The following GABRR1 variants were observed in gnomAD, a reference collection of about 807,000 sequenced individuals.
GABRR1 encodes the protein gamma-aminobutyric acid type A receptor subunit rho1, also known as gamma-aminobutyric acid receptor subunit rho-1.
GABRR1 carries 59 observed loss-of-function variants against 55.5 expected under a neutral mutation model. The ratio of observed to expected loss-of-function variants is 1.06; its 90% CI spans 0.86 to 1.32. The LOEUF (loss-of-function observed/expected upper bound fraction) is 1.32, where lower values mean the gene tolerates loss of function less well. Among genes scored for constraint, GABRR1 ranks in the 40% most tolerant of loss-of-function variants. The pLI, the probability that GABRR1 is intolerant of heterozygous loss-of-function variation, is 0.00. For missense variants in GABRR1, 602 were observed against 619.1 expected, an observed-to-expected ratio of 0.97 and a Z score of 0.29; for synonymous variants, 213 against 226.0, an observed-to-expected ratio of 0.94 and a Z score of 0.51.
intron 1 of GABRR1, among the ~76,000 whole-genome samples, chr6:89,230,655 G>T (rs1220102171): frequency 6.6e-6 from 1 of 151,466 alleles, no homozygotes; most frequent in Non-Finnish European, 1.5e-5. Context: ...GAGAACCACT[G>T]CTCTCTTCAA....
At chr6:89,200,290 C>T (rs1772426016) in intron 3 of GABRR1, among the ~76,000 whole-genome samples, 1 of 142,278 alleles carries the variant, frequency 7.0e-6, no homozygotes, top group South Asian at 2.2e-4. Flanking sequence ...ACTCTGTTGC[C>T]CAGGCTGGAG....
intron 1 of GABRR1, among the ~76,000 whole-genome samples, chr6:89,206,973 G>A (rs35953049): frequency 0.14 from 22,027 of 151,932 alleles, 1,778 homozygotes; most frequent in African/African-American, 0.21. Context: ...ACTTTACAAA[G>A]ACAGGTACCA....
chr6:89,220,777 A>G (rs1344800649), upstream of GABRR1, among the ~76,000 whole-genome samples: 1 of 152,030 alleles, frequency 6.6e-6, no homozygotes, highest in Non-Finnish European at 1.5e-5. Context: ...CTGGAGTGCA[A>G]TGGCATGATC....
intron 9 of GABRR1, among the ~76,000 whole-genome samples, chr6:89,179,854 T>C (rs1268423849): frequency 6.6e-6 from 1 of 152,066 alleles, no homozygotes; most frequent in Non-Finnish European, 1.5e-5. Flanking sequence ...TGGGAAAAGG[T>C]GGAGCATGCA....
At chr6:89,191,824 T>C (rs2127794907) in intron 5 of GABRR1, among the ~76,000 whole-genome samples, 1 of 152,260 alleles carries the variant, frequency 6.6e-6, no homozygotes, top group East Asian at 1.9e-4. Context: ...TCTGAGGTAT[T>C]CATCAGCTTC....
intron 3 of GABRR1, among the ~76,000 whole-genome samples, chr6:89,199,755 T>C (rs1022334755): frequency 6.6e-6 from 1 of 152,182 alleles, no homozygotes; most frequent in African/African-American, 2.4e-5. Context: ...TCTCTATATT[T>C]GCCTTCTGGT....
chr6:89,225,308 C>T (rs1470852016), intron 1 of GABRR1, among the ~76,000 whole-genome samples: 5 of 144,566 alleles, frequency 3.5e-5, no homozygotes, highest in African/African-American at 1.3e-4. Flanking sequence ...TACATGTGCA[C>T]ATTGTGCAGG....
At chr6:89,179,745 G>C (rs1401208423) in intron 9 of GABRR1, among the ~76,000 whole-genome samples, 1 of 152,204 alleles carries the variant, frequency 6.6e-6, no homozygotes, top group African/African-American at 2.4e-5. Context: ...GTATTGTGGG[G>C]ATAGATTACT....
At chr6:89,184,673 G>A (rs900330198) in intron 7 of GABRR1, among the ~76,000 whole-genome samples, 26 of 152,272 alleles carry the variant, frequency 1.7e-4, no homozygotes, top group African/African-American at 5.5e-4. Context: ...GAGGGGACTC[G>A]GATCAGCGTA....
intron 7 of GABRR1, among the ~76,000 whole-genome samples, chr6:89,184,297 C>T (rs2183648): frequency 2.8e-4 from 41 of 148,498 alleles, no homozygotes; most frequent in Admixed American, 4.7e-4. Context: ...TACAATTCAT[C>T]GATGTAATCA....
chr6:89,216,912 T>A (rs12199465), intron 1 of GABRR1, among the ~76,000 whole-genome samples: 55,005 of 151,904 alleles, frequency 0.36, 10,580 homozygotes, highest in African/African-American at 0.47. Context: ...ATATTTTTTT[T>A]AAATGTGCAT....
At chr6:89,187,818 G>A (rs916366808) in intron 6 of GABRR1, among the ~76,000 whole-genome samples, 2 of 152,134 alleles carry the variant, frequency 1.3e-5, no homozygotes, top group African/African-American at 2.4e-5. Flanking sequence ...TTTTAAGGCC[G>A]AACACTCTTC....
Position 89,178,902 on chromosome 6 carries a change from T to C in GABRR1, c.1308A>G (p.Pro436=), listed in dbSNP as rs752292472. The C allele has an allele frequency of 1.4e-5, 23 of 1,614,184 alleles. No individual in the cohort carries two copies. The South Asian group carries it at 2.4e-4, about 17-fold the overall frequency. Residue 436 remains proline, a synonymous_variant, in exon 10 of 10, where the codon CCA becomes CCG. Coordinates refer to ENST00000454853, the MANE Select transcript of GABRR1 (RefSeq NM_002042.5). ...AGCTGCTTCTCTGACTTTTCCTCTGTGGGGAGCTCCTCTCTGAGGCCAGGG... is the reference window on the plus strand; with the variant it reads ...AGCTGCTTCTCTGACTTTTCCTCTGCGGGGAGCTCCTCTCTGAGGCCAGGG... The part of the protein sequence containing the change: ...QLTLASERSS[P]QRKSQRSSYV...
At position 89,182,043 on chromosome 6, in the gene GABRR1, G is replaced by A. The variant is rs1220192879; in HGVS notation, c.811C>T (p.Leu271Phe). 6.2e-7 allele frequency: 1 copy of A among 1,614,064 alleles called. No individual in the cohort carries two copies. Among genetic ancestry groups the A allele is most frequent in the Admixed American group, 1.7e-5 (1 of 60,010 alleles). The stretch of plus-strand genomic sequence containing the variant: ...CGACGCAACGTGAAATTAATGTAGA[G>A]ACGGTTGTACCAGCCTGGGGGACAC... ...FYSSTGWYNRLYINFTLRRHI... is the reference protein window; with the variant it reads ...FYSSTGWYNRFYINFTLRRHI... The change falls in exon 8 of 10, where the codon CTC becomes TTC. Residue 271 changes from leucine (L) to phenylalanine (F), a missense_variant. Leu to Phe is a conservative substitution (Grantham distance 22). Transcript: ENST00000454853.
chr6:89,193,392 C>CT (rs59412876), intron 5 of GABRR1, among the ~76,000 whole-genome samples: 13,060 of 151,418 alleles, frequency 0.086, 1,255 homozygotes, highest in African/African-American at 0.24. Context: ...TTAGATCTCT[C>CT]TTTTTTTTTC....
chr6:89,225,871 A>G (rs1773192906), intron 1 of GABRR1, among the ~76,000 whole-genome samples: 1 of 139,814 alleles, frequency 7.2e-6, no homozygotes, highest in Non-Finnish European at 1.6e-5. Flanking sequence ...ACTAGTTTAC[A>G]GTCCCACCAA....
rs1469071304 is a variant in GABRR1 at position 89,190,173 on chromosome 6, A to G, written c.647T>C (p.Ile216Thr). Residue 216 changes from isoleucine (I) to threonine (T), a missense_variant, in exon 6 of 10, where the codon ATT (isoleucine) becomes ACT (threonine). By Grantham distance (89) the Ile-to-Thr change is moderately conservative. Coordinates refer to ENST00000454853, the MANE Select transcript of GABRR1 (RefSeq NM_002042.5). ...GGGACAAGTCTACTCACAGCTTTCA[A>G]TTTCAAGAGAGCACGTTTGTGTGTC... ...PLDTQTCSLE[I>T]ESYAYTEDDL... is the part of the protein sequence containing the mutation. The G allele has an allele frequency of 6.2e-7, 1 of 1,609,162 alleles. No homozygotes were observed. Among genetic ancestry groups the G allele is most frequent in the Non-Finnish European group, 8.5e-7 (1 of 1,177,608 alleles).
At chr6:89,221,010 G>A (rs575047379), upstream of GABRR1, among the ~76,000 whole-genome samples, 6 of 152,042 alleles carry the variant, frequency 3.9e-5, no homozygotes, top group South Asian at 2.1e-4. Context: ...ATGAGCCACC[G>A]CGCCTGGCCA....
rs1321201510 is a variant in GABRR1 at position 89,182,042 on chromosome 6, A to G, written c.812T>C (p.Leu271Pro). Residue 271 changes from leucine (L) to proline (P), a missense_variant, in exon 8 of 10, where the codon CTC becomes CCC. Transcript: ENST00000454853. Reference protein sequence around the residue: ...FYSSTGWYNRLYINFTLRRHI... With the variant: ...FYSSTGWYNRPYINFTLRRHI... The stretch of plus-strand genomic sequence containing the variant: ...GCGACGCAACGTGAAATTAATGTAG[A>G]GACGGTTGTACCAGCCTGGGGGACA... 1.9e-6 allele frequency: 3 copies of G among 1,614,130 alleles called. No individual in the cohort carries two copies. The highest frequency in any genetic ancestry group is 1.7e-5 in the Admixed American group (1 of 60,018).
Sources: allele counts gnomAD v4.1 joint callset (sites outside exome capture counted in the v4.1 genomes callset), GRCh38; gene constraint gnomAD v4.1.1; transcripts MANE v1.5; gene names NCBI Gene and HGNC (gene_info 2026-07-23, HGNC 2026-07-21).